Variants in AUTS2 observed in about 807,000 individuals in gnomAD.
AUTS2 encodes the protein autism susceptibility gene 2 protein.
In AUTS2, 17 loss-of-function variants were observed where a neutral mutation model predicts 112.4. The ratio of observed to expected loss-of-function variants is 0.15; its 90% CI spans 0.10 to 0.23. AUTS2 has a LOEUF of 0.23. Among genes scored for constraint, AUTS2 ranks in the 10% least tolerant of loss-of-function variants. The pLI is 1.00. For missense variants in AUTS2, 1,510 were observed against 1,701.6 expected, an observed-to-expected ratio of 0.89 and a Z score of 1.98; for synonymous variants, 751 against 702.7, an observed-to-expected ratio of 1.07 and a Z score of -1.09.
At chr7:70,223,739 A>G (rs1811606035) in intron 4 of AUTS2, among the ~76,000 whole-genome samples, 1 of 152,070 alleles carries the variant, frequency 6.6e-6, no homozygotes, top group Non-Finnish European at 1.5e-5. Flanking sequence ...AGCTCCATGC[A>G]TGTTATTGCC....
At chr7:69,817,543 G>T (rs1790815677) in intron 1 of AUTS2, among the ~76,000 whole-genome samples, 1 of 152,194 alleles carries the variant, frequency 6.6e-6, no homozygotes, top group Non-Finnish European at 1.5e-5. Context: ...GTTCTGGTGT[G>T]CAGTGTTCTG....
At chr7:70,704,315 T>G (rs1461684158) in intron 6 of AUTS2, among the ~76,000 whole-genome samples, 1 of 152,198 alleles carries the variant, frequency 6.6e-6, no homozygotes, top group South Asian at 2.1e-4. Context: ...GTAGAACTTT[T>G]GACAGCTGCC....
intron 5 of AUTS2, among the ~76,000 whole-genome samples, chr7:70,628,338 ATAG>A (rs1805066910): frequency 2.3e-4 from 1 of 4,394 alleles, no homozygotes. Flanking sequence ...ACATATATAT[ATAG>A]TATATATATA....
At chr7:69,646,292 C>CTT (rs1795018686) in intron 1 of AUTS2, among the ~76,000 whole-genome samples, 3 of 152,056 alleles carry the variant, frequency 2.0e-5, no homozygotes, top group African/African-American at 7.2e-5. Context: ...CATCTTGTGT[C>CTT]TTTAAATAAT....
intron 1 of AUTS2, among the ~76,000 whole-genome samples, chr7:69,887,345 G>C (rs1210488411): frequency 3.3e-5 from 5 of 151,636 alleles, no homozygotes; most frequent in Admixed American, 6.6e-5. Flanking sequence ...GAACCCGGGA[G>C]GTGGAGGTTG....
intron 6 of AUTS2, among the ~76,000 whole-genome samples, chr7:70,705,648 C>T (rs753672344): frequency 1.2e-4 from 18 of 152,188 alleles, no homozygotes; most frequent in Non-Finnish European, 2.2e-4. Flanking sequence ...TCCTCCACCC[C>T]ACAGACTTGA....
chr7:70,426,950 A>G (rs1405182453), intron 4 of AUTS2, among the ~76,000 whole-genome samples: 1 of 149,680 alleles, frequency 6.7e-6, no homozygotes, highest in African/African-American at 2.6e-5. Flanking sequence ...CTTACACAGG[A>G]CTCCAAAAAG....
chr7:70,601,116 T>C (rs930957177), intron 5 of AUTS2, among the ~76,000 whole-genome samples: 1 of 152,252 alleles, frequency 6.6e-6, no homozygotes, highest in Non-Finnish European at 1.5e-5. Context: ...AAAGTGACTG[T>C]ACCATTTGAC....
intron 1 of AUTS2, among the ~76,000 whole-genome samples, chr7:69,792,636 T>C (rs1010232526): frequency 1.1e-4 from 17 of 152,246 alleles, no homozygotes; most frequent in African/African-American, 3.6e-4. Flanking sequence ...TCACCCCAAA[T>C]AATTTTTGAT....
At chr7:69,808,613 T>C (rs561307781) in intron 1 of AUTS2, among the ~76,000 whole-genome samples, 3 of 152,310 alleles carry the variant, frequency 2.0e-5, no homozygotes, top group Admixed American at 2.0e-4. Flanking sequence ...GATGGGCCCT[T>C]AGCTTTTTTT....
chr7:70,341,185 G>A (rs978595875), intron 4 of AUTS2, among the ~76,000 whole-genome samples: 1 of 152,312 alleles, frequency 6.6e-6, no homozygotes, highest in East Asian at 1.9e-4. Context: ...GCAGAGACAT[G>A]AGTCTCAATC....
intron 1 of AUTS2, among the ~76,000 whole-genome samples, chr7:69,864,696 T>TA (rs1426631154): frequency 6.6e-6 from 1 of 152,162 alleles, no homozygotes. Context: ...ATATTTGAAA[T>TA]AATGACTCTT....
intron 6 of AUTS2, among the ~76,000 whole-genome samples, chr7:70,705,195 T>C (rs1486925627): frequency 6.6e-6 from 1 of 152,212 alleles, no homozygotes; most frequent in African/African-American, 2.4e-5. Flanking sequence ...ATAAGTCAAA[T>C]ACACTCTCGT....
Position 70,351,052 on chromosome 7 carries a change from CTT to C in AUTS2, c.661-84684_661-84683del, listed in dbSNP as rs34943340. Among the ~76,000 whole-genome samples, 285 of 134,880 alleles carry C rather than the reference CTT, an allele frequency of 2.1e-3. 2 individuals carry two copies. Among genetic ancestry groups the C allele is most frequent in the East Asian group, 0.018 (86 of 4,656 alleles). The allele number at this position is 134,880 out of a possible 152,430, so 88.5% of individuals were successfully genotyped here. A position where few individuals can be genotyped will look rare whatever the true frequency, so the allele number is the denominator to read the frequency against. On this transcript the variant is annotated intron_variant, in intron 4 of 18. Transcript: ENST00000342771. ...GCAAATGACAGGATTTTGTCTTCTT[CTT>C]TTTTTTTTTTTTTTTAGATGGAGTC...
intron 18 of AUTS2, among the ~76,000 whole-genome samples, chr7:70,788,293 T>C: frequency 6.6e-6 from 1 of 151,968 alleles, no homozygotes; most frequent in East Asian, 1.9e-4. Flanking sequence ...TTGTATACCG[T>C]GTATGTATGT....
chr7:70,784,875 A>G, intron 15 of AUTS2, 67 bp from the exon 16 acceptor site: 1 of 1,461,272 alleles, frequency 6.8e-7, no homozygotes, highest in Non-Finnish European at 9.6e-7. Flanking sequence ...TTAAGCAAGT[A>G]GAAGCCGGTT....
intron 6 of AUTS2, among the ~76,000 whole-genome samples, chr7:70,745,219 C>G (rs1788379458): frequency 6.6e-6 from 1 of 152,158 alleles, no homozygotes; most frequent in African/African-American, 2.4e-5. Context: ...CTCCCCAGCC[C>G]CATGTACTTT....
intron 5 of AUTS2, among the ~76,000 whole-genome samples, chr7:70,566,023 T>C (rs1177095333): frequency 6.6e-6 from 1 of 152,234 alleles, no homozygotes; most frequent in Non-Finnish European, 1.5e-5. Flanking sequence ...ACGACCGTGC[T>C]GCCACTTAAG....
intron 2 of AUTS2, among the ~76,000 whole-genome samples, chr7:69,956,241 C>G (rs772889670): frequency 1.3e-5 from 2 of 152,004 alleles, no homozygotes; most frequent in African/African-American, 4.8e-5. Context: ...GTATGGCTTT[C>G]AAAACATTTT....
Sources: gnomAD v4.1 joint callset for allele counts (sites outside exome capture counted in the v4.1 genomes callset) on GRCh38, gnomAD v4.1.1 for gene constraint, MANE v1.5 for transcripts, NCBI Gene and HGNC (gene_info 2026-07-23, HGNC 2026-07-21) for gene names.